Variants in VAT1L observed in about 807,000 individuals in gnomAD.
VAT1L encodes the protein putative NADPH-dependent quinone oxidoreductase VAT1L.
In VAT1L, 34 loss-of-function variants were observed where a neutral mutation model predicts 44.1. That is an observed-to-expected ratio of 0.77 (90% confidence interval 0.59 to 1.03). VAT1L has a LOEUF of 1.03. Ranked by LOEUF, VAT1L falls within the 50% of genes least tolerant of loss-of-function variation. The pLI, the probability that VAT1L is intolerant of heterozygous loss-of-function variation, is 0.00. For missense variants in VAT1L, 615 were observed against 538.8 expected (o/e 1.14, Z -1.40); for synonymous variants, 253 against 202.2 (o/e 1.25, Z -2.13).
chr16:77,802,039 G>C (rs1463457586), intron 1 of VAT1L, among the ~76,000 whole-genome samples: 1 of 152,124 alleles, frequency 6.6e-6, no homozygotes, highest in Non-Finnish European at 1.5e-5. Flanking sequence ...CCGGAGGAGA[G>C]ACAGACAGTC....
intron 4 of VAT1L, among the ~76,000 whole-genome samples, chr16:77,872,332 T>A (rs894777814): frequency 3.8e-4 from 58 of 152,308 alleles, no homozygotes; most frequent in African/African-American, 1.3e-3. Context: ...CTGATTGCCA[T>A]GGTTGGTGTC....
intron 7 of VAT1L, among the ~76,000 whole-genome samples, chr16:77,885,946 C>T (rs1276428235): frequency 6.6e-6 from 1 of 152,138 alleles, no homozygotes; most frequent in Non-Finnish European, 1.5e-5. Flanking sequence ...ACTGCAGTGT[C>T]ATGGATGGGC....
chr16:77,888,021 G>A (rs2017226236), intron 7 of VAT1L, among the ~76,000 whole-genome samples: 1 of 152,102 alleles, frequency 6.6e-6, no homozygotes, highest in Admixed American at 6.5e-5. Flanking sequence ...GGCCTTCCCT[G>A]TCTTGAGCCT....
At chr16:77,867,462 A>G (rs1425845486) in intron 4 of VAT1L, among the ~76,000 whole-genome samples, 2 of 151,412 alleles carry the variant, frequency 1.3e-5, no homozygotes, top group Non-Finnish European at 2.9e-5. Flanking sequence ...CCTTTTGTTC[A>G]TTCATTCATT....
chr16:77,857,240 G>T (rs758784273), intron 3 of VAT1L, among the ~76,000 whole-genome samples: 1 of 152,180 alleles, frequency 6.6e-6, no homozygotes, highest in Non-Finnish European at 1.5e-5. Flanking sequence ...GAGGTAAACT[G>T]CAAGGTCCTT....
chr16:77,791,860 G>A (rs771735749), intron 1 of VAT1L, among the ~76,000 whole-genome samples: 3 of 152,188 alleles, frequency 2.0e-5, no homozygotes, highest in Non-Finnish European at 4.4e-5. Context: ...AGAGTCTTCT[G>A]TCTAAATTGT....
intron 7 of VAT1L, among the ~76,000 whole-genome samples, chr16:77,915,175 G>C (rs1454146961): frequency 6.6e-6 from 1 of 152,036 alleles, no homozygotes; most frequent in Non-Finnish European, 1.5e-5. Flanking sequence ...TTGTCAAATT[G>C]TGATTGAATC....
intron 7 of VAT1L, among the ~76,000 whole-genome samples, chr16:77,954,510 A>T (rs965845626): frequency 6.6e-6 from 1 of 152,186 alleles, no homozygotes; most frequent in Non-Finnish European, 1.5e-5. Context: ...CTGTAATCCC[A>T]GCTACTCAAG....
intron 3 of VAT1L, among the ~76,000 whole-genome samples, chr16:77,837,217 G>C (rs1004428971): frequency 4.6e-5 from 7 of 152,142 alleles, no homozygotes; most frequent in Admixed American, 6.5e-5. Context: ...GGATTGCCTG[G>C]GTTTTCCCAG....
intron 7 of VAT1L, among the ~76,000 whole-genome samples, chr16:77,957,062 A>C (rs1242639104): frequency 6.6e-6 from 1 of 152,180 alleles, no homozygotes; most frequent in African/African-American, 2.4e-5. Context: ...ATTGAAAATA[A>C]GGGAAAAAAT....
intron 1 of VAT1L, among the ~76,000 whole-genome samples, chr16:77,789,283 C>T (rs1184475236): frequency 6.6e-6 from 1 of 152,104 alleles, no homozygotes; most frequent in African/African-American, 2.4e-5. Flanking sequence ...TATTAAGAAC[C>T]GCAAGCCCAC....
At chr16:77,894,842 G>T (rs2017305223) in intron 7 of VAT1L, among the ~76,000 whole-genome samples, 1 of 152,102 alleles carries the variant, frequency 6.6e-6, no homozygotes. Flanking sequence ...GAGAACTTGG[G>T]AGATGGGGAA....
At position 77,939,468 on chromosome 16, in the gene VAT1L, T is replaced by C. The variant is rs968691799; in HGVS notation, c.1078-32382T>C. On this transcript the variant is annotated intron_variant, in intron 7 of 8. Transcript: ENST00000302536. ...CTCAGCAAGTGCCACAAATCAGGGC[T>C]CCCTTTAGAGATCTGTTGTTACATA... Among the ~76,000 whole-genome samples the C allele has an allele frequency of 2.0e-5, 3 of 151,870 alleles. No individual in the cohort carries two copies. The East Asian group carries it at 5.8e-4, about 29-fold the overall frequency.
At chr16:77,800,508 C>G (rs1187256458) in intron 1 of VAT1L, 1 of 152,228 alleles carries the variant, frequency 6.6e-6, no homozygotes, top group African/African-American at 2.4e-5. Context: ...CCCTTCAGTA[C>G]CCACAGAGAG....
Position 77,817,027 on chromosome 16 carries a change from G to C in VAT1L, c.340G>C (p.Gly114Arg). 1 of 1,613,992 alleles carries C rather than the reference G, an allele frequency of 6.2e-7. No homozygotes were observed. The highest frequency in any genetic ancestry group is 1.7e-5 in the Admixed American group (1 of 60,024). ...FECSGIVEAL[G>R]DSVKGYEIGD... ...GTGTTCTGGGATTGTTGAAGCTCTGGGGGACAGCGTGAAAGGATATGAGGT... is the reference window on the plus strand; with the variant it reads ...GTGTTCTGGGATTGTTGAAGCTCTGCGGGACAGCGTGAAAGGATATGAGGT... The change falls in exon 2 of 9, where the codon GGG (glycine) becomes CGG (arginine). Residue 114 changes from glycine (G) to arginine (R), a missense_variant. Transcript: ENST00000302536.
At chr16:77,789,492 C>T (rs1031412468) in intron 1 of VAT1L, among the ~76,000 whole-genome samples, 1 of 152,140 alleles carries the variant, frequency 6.6e-6, no homozygotes, top group African/African-American at 2.4e-5. Context: ...TTTTTCACCT[C>T]TATGCTGTTG....
chr16:77,797,883 G>C (rs923696084), intron 1 of VAT1L, among the ~76,000 whole-genome samples: 2 of 152,210 alleles, frequency 1.3e-5, no homozygotes, highest in Non-Finnish European at 1.5e-5. Flanking sequence ...TGATTCCTCT[G>C]TGTGTGATCT....
At chr16:77,940,279 C>T (rs2017863700) in intron 7 of VAT1L, among the ~76,000 whole-genome samples, 1 of 151,406 alleles carries the variant, frequency 6.6e-6, no homozygotes, top group East Asian at 1.9e-4. Context: ...TACTGTATTC[C>T]TGAAAATGTA....
At chr16:77,839,786 T>C (rs934791491) in intron 3 of VAT1L, among the ~76,000 whole-genome samples, 3 of 152,124 alleles carry the variant, frequency 2.0e-5, no homozygotes, top group African/African-American at 7.2e-5. Context: ...CAGAACCTGA[T>C]GCTCAGCAGT....
Sources: gnomAD v4.1 joint callset for allele counts (sites outside exome capture counted in the v4.1 genomes callset) on GRCh38, gnomAD v4.1.1 for gene constraint, MANE v1.5 for transcripts, NCBI Gene and HGNC (gene_info 2026-07-23, HGNC 2026-07-21) for gene names.